KAZN: variants seen among roughly 807,000 people sequenced by gnomAD.
KAZN encodes the protein kazrin, periplakin interacting protein, also known as kazrin.
Under a neutral mutation model 87.4 loss-of-function variants are expected in KAZN, and 40 were observed. The ratio of observed to expected loss-of-function variants is 0.46; its 90% CI spans 0.36 to 0.60. The LOEUF is 0.60. Ranked by LOEUF, KAZN falls within the 20% of genes least tolerant of loss-of-function variation. The probability of loss-of-function intolerance (pLI) is 0.00; values close to 1 mark genes in which losing one functional copy is unlikely to be tolerated. For synonymous variants in KAZN, 466 were observed against 458.3 expected (o/e 1.02, Z -0.22); for missense variants, 898 against 1,073.9 (o/e 0.84, Z 2.29).
chr1:15,047,164 G>GTGCTGCCCCTT (rs1673646790), intron 4 of KAZN, among the ~76,000 whole-genome samples: 1 of 152,210 alleles, frequency 6.6e-6, no homozygotes, highest in African/African-American at 2.4e-5. Flanking sequence ...TCTACCCAGG[G>GTGCTGCCCCTT]CTTGGAGGCA....
chr1:14,417,374 A>G (rs1393444473), intron 2 of KAZN, among the ~76,000 whole-genome samples: 4 of 152,208 alleles, frequency 2.6e-5, no homozygotes, highest in Admixed American at 2.0e-4. Flanking sequence ...GTTCTTCGCC[A>G]TTTCTCTGGC....
chr1:14,020,589 A>T lies in KAZN; in HGVS notation c.91+126833A>T, dbSNP rs577985347. On this transcript the variant is annotated intron_variant, in intron 1 of 16. Coordinates refer to the KAZN transcript ENST00000636203. ...CTGTTTTGTATAATTACACAATGGA[A>T]TCTGAATGTACTGTGCTGGATATGC... Among the ~76,000 whole-genome samples the T allele has an allele frequency of 2.0e-4, 31 of 152,340 alleles. 1 individual carries two copies. Among genetic ancestry groups the T allele is most frequent in the African/African-American group, 7.0e-4 (29 of 41,582 alleles).
chr1:14,379,978 C>T (rs557565507), intron 2 of KAZN, among the ~76,000 whole-genome samples: 2 of 152,284 alleles, frequency 1.3e-5, no homozygotes, highest in South Asian at 4.1e-4. Context: ...GTGGTGGGCA[C>T]AGAGGTGTTT....
chr1:14,559,508 G>A (rs1290008298), intron 2 of KAZN, among the ~76,000 whole-genome samples: 6 of 152,166 alleles, frequency 3.9e-5, no homozygotes, highest in Non-Finnish European at 5.9e-5. Flanking sequence ...TGCCACAGTT[G>A]CTCCATCTTT....
chr1:14,543,568 G>T (rs1051048447), intron 2 of KAZN, among the ~76,000 whole-genome samples: 1 of 152,238 alleles, frequency 6.6e-6, no homozygotes. Context: ...ACCTTCTTCA[G>T]ATGGAGGGGT....
At chr1:14,733,797 T>G (rs955077164) in intron 1 of KAZN, among the ~76,000 whole-genome samples, 56 of 152,338 alleles carry the variant, frequency 3.7e-4, no homozygotes, top group African/African-American at 1.3e-3. Context: ...GCGAGCTGTT[T>G]GGGAGCTACA....
chr1:14,621,373 A>G (rs537659101), intron 1 of KAZN, among the ~76,000 whole-genome samples: 13 of 152,374 alleles, frequency 8.5e-5, no homozygotes, highest in African/African-American at 3.1e-4. Flanking sequence ...TTTAATCCAC[A>G]TGCTCGTTTA....
intron 2 of KAZN, among the ~76,000 whole-genome samples, chr1:14,218,154 A>T (rs1378762461): frequency 2.0e-5 from 3 of 152,160 alleles, no homozygotes; most frequent in African/African-American, 4.8e-5. Flanking sequence ...AATAAATCAC[A>T]TGGGCAATTA....
intron 1 of KAZN, among the ~76,000 whole-genome samples, chr1:14,057,043 CAAA>C (rs527243643): frequency 1.5e-4 from 14 of 91,646 alleles, no homozygotes; most frequent in East Asian, 4.4e-4. Context: ...GACCCTGTCT[CAAA>C]AAAAAAAAAA....
chr1:13,933,394 A>G (rs1640603208), intron 1 of KAZN, among the ~76,000 whole-genome samples: 1 of 152,130 alleles, frequency 6.6e-6, no homozygotes, highest in Admixed American at 6.5e-5. Context: ...CGGGAGGCTG[A>G]CGGAGGAGAA....
rs189211612 is a variant in KAZN at position 14,271,168 on chromosome 1, A to G, written c.249+90576A>G. 2.0e-4 allele frequency among the ~76,000 whole-genome samples: 30 copies of G among 152,228 alleles called. No individual in the cohort carries two copies. The East Asian group carries it at 4.5e-3, about 23-fold the overall frequency. ...TTCCCTCTCTGTATGTCTGTGTCCT[A>G]TCTTCCTCTTATGAGGACACCAGCC... On this transcript the variant is annotated intron_variant, in intron 2 of 16. Transcript: ENST00000636203.
At chr1:14,487,385 C>G (rs1446233496) in intron 2 of KAZN, among the ~76,000 whole-genome samples, 1 of 152,152 alleles carries the variant, frequency 6.6e-6, no homozygotes, top group Non-Finnish European at 1.5e-5. Context: ...GCCAGTGAAA[C>G]AGTTCAAAGA....
At chr1:14,408,881 A>G (rs1664077594) in intron 2 of KAZN, among the ~76,000 whole-genome samples, 1 of 151,796 alleles carries the variant, frequency 6.6e-6, no homozygotes. Flanking sequence ...CATGAAAGAA[A>G]AGAAGAGGAT....
chr1:14,750,198 GT>G (rs902946780), intron 1 of KAZN, among the ~76,000 whole-genome samples: 2 of 152,062 alleles, frequency 1.3e-5, no homozygotes, highest in African/African-American at 4.8e-5. Flanking sequence ...CATAATGAAA[GT>G]TTTTTTAAAA....
intron 2 of KAZN, among the ~76,000 whole-genome samples, chr1:14,975,923 T>C (rs1665552615): frequency 6.6e-6 from 1 of 150,878 alleles, no homozygotes; most frequent in Non-Finnish European, 1.5e-5. Flanking sequence ...TCCCAGCTAC[T>C]TGGGAGGCTG....
intron 2 of KAZN, among the ~76,000 whole-genome samples, chr1:14,471,178 T>G (rs181939363): frequency 5.3e-5 from 8 of 152,322 alleles, no homozygotes; most frequent in Admixed American, 3.3e-4. Context: ...ATAAATGTTA[T>G]TGTTCTCAGC....
intron 8 of KAZN, among the ~76,000 whole-genome samples, chr1:15,083,296 T>C (rs1320915055): frequency 6.6e-6 from 1 of 152,002 alleles, no homozygotes; most frequent in Non-Finnish European, 1.5e-5. Flanking sequence ...AGGGCAAAAA[T>C]GGTGGAAAGT....
intron 2 of KAZN, among the ~76,000 whole-genome samples, chr1:14,986,509 CTTGG>C (rs1666837345): frequency 2.0e-5 from 3 of 152,180 alleles, no homozygotes; most frequent in Admixed American, 2.0e-4. Flanking sequence ...TGCTGCTTTT[CTTGG>C]TTGGTGCTTT....
At position 14,578,511 on chromosome 1, in the gene KAZN, G is replaced by T. The variant is rs146141773; in HGVS notation, c.250-20472G>T. Among the ~76,000 whole-genome samples, 136 of 152,218 alleles carry T rather than the reference G, an allele frequency of 8.9e-4. 1 individual carries two copies. The highest frequency in any genetic ancestry group is 3.9e-3 in the East Asian group (20 of 5,164). On this transcript the variant is annotated intron_variant, in intron 2 of 16. Transcript: ENST00000636203. ...AAAATTTACATAAACCCTTGTGATC[G>T]CAAAGGTCATCTAGTTGAGAGTCTA...
Sources: gnomAD v4.1 joint callset for allele counts (sites outside exome capture counted in the v4.1 genomes callset) on GRCh38, gnomAD v4.1.1 for gene constraint, MANE v1.5 for transcripts, NCBI Gene and HGNC (gene_info 2026-07-23, HGNC 2026-07-21) for gene names.